The following PCDHA6 variants were observed in gnomAD, a reference collection of about 807,000 sequenced individuals.
The protein encoded by PCDHA6 is protocadherin alpha-6.
In PCDHA6, 55 loss-of-function variants were observed where a neutral mutation model predicts 60.3. The ratio of observed to expected loss-of-function variants is 0.91; its 90% CI spans 0.73 to 1.14. The LOEUF (loss-of-function observed/expected upper bound fraction) is 1.14. PCDHA6 is among the 50% of genes most tolerant of loss of function. PCDHA6 has a pLI of 0.00. For missense variants in PCDHA6, 1,327 were observed against 1,256.5 expected (o/e 1.06, Z -0.85); for synonymous variants, 652 against 557.9 (o/e 1.17, Z -2.38).
intron 1 of PCDHA6, chr5:140,842,175 T>A (rs2150330904): frequency 1.2e-6 from 2 of 1,613,894 alleles, no homozygotes; most frequent in South Asian, 2.2e-5. Flanking sequence ...AATAGCCTTG[T>A]TGAAACTATG....
chr5:140,896,929 G>A (rs2065808653), intron 1 of PCDHA6, among the ~76,000 whole-genome samples: 2 of 152,106 alleles, frequency 1.3e-5, no homozygotes, highest in African/African-American at 4.8e-5. Flanking sequence ...ATCACATCAT[G>A]GAAAATGGAA....
intron 1 of PCDHA6, among the ~76,000 whole-genome samples, chr5:140,976,765 C>T (rs1483381591): frequency 6.6e-6 from 1 of 152,172 alleles, no homozygotes; most frequent in Non-Finnish European, 1.5e-5. Context: ...CAGAAGCCTG[C>T]TAGACTCTGA....
intron 1 of PCDHA6, chr5:140,864,624 A>C (rs2048544669): frequency 6.6e-6 from 1 of 152,110 alleles, no homozygotes; most frequent in African/African-American, 2.4e-5. Flanking sequence ...TTTTTTAAAA[A>C]GAAAACAAAA....
intron 1 of PCDHA6, chr5:140,843,157 G>T: frequency 6.3e-7 from 1 of 1,596,132 alleles, no homozygotes; most frequent in Non-Finnish European, 8.6e-7. Context: ...ATGAGCTGCA[G>T]CCAGCTGCAA....
chr5:140,940,940 G>A (rs187772223), intron 1 of PCDHA6, among the ~76,000 whole-genome samples: 2 of 152,254 alleles, frequency 1.3e-5, no homozygotes, highest in Non-Finnish European at 2.9e-5. Context: ...CTTAGACTAC[G>A]TATTCTCAGA....
At chr5:140,882,452 C>A (rs782448323) in intron 1 of PCDHA6, 1 of 1,614,042 alleles carries the variant, frequency 6.2e-7, no homozygotes, top group East Asian at 2.2e-5. Context: ...GCTGGTGCCG[C>A]GCCTGTTCCG....
intron 1 of PCDHA6, chr5:140,926,949 G>C: frequency 3.8e-6 from 6 of 1,592,316 alleles, no homozygotes; most frequent in Non-Finnish European, 5.1e-6. Context: ...GCGCTGCAGC[G>C]GGACAGCTCG....
chr5:140,972,947 C>T (rs1287629621), intron 1 of PCDHA6, among the ~76,000 whole-genome samples: 1 of 152,096 alleles, frequency 6.6e-6, no homozygotes, highest in African/African-American at 2.4e-5. Context: ...CAGATGTGAG[C>T]CACCATGCCC....
chr5:140,856,403 G>C, intron 1 of PCDHA6: 1 of 1,598,562 alleles, frequency 6.3e-7, no homozygotes, highest in South Asian at 1.1e-5. Flanking sequence ...TTTCCATGTG[G>C]ACGTGGAAGT....
chr5:140,852,717 C>T lies in PCDHA6; in HGVS notation c.2394+22232C>T, dbSNP rs2042449102. ...ACTTTCAAGTATCTTTGTCTTTGCA[C>T]GTTTTTCAAGTTTCATGTGCCATTT... is the stretch of plus-strand genomic sequence containing the variant. On this transcript the variant is annotated intron_variant, in intron 1 of 3. Transcript: ENST00000529310. 6 of 981,714 alleles carry T rather than the reference C, an allele frequency of 6.1e-6. 2 individuals carry two copies. Among genetic ancestry groups the T allele is most frequent in the Non-Finnish European group, 7.4e-6 (6 of 814,360 alleles). 60.8% of individuals were successfully genotyped at this position (981,714 alleles called of 1,614,324 possible).
intron 1 of PCDHA6, chr5:140,848,346 C>A: frequency 1.1e-6 from 1 of 925,186 alleles, no homozygotes; most frequent in East Asian, 2.4e-5. Context: ...ACAAATACAG[C>A]CCTTTTCCCA....
chr5:140,887,565 T>C (rs1214384060), intron 1 of PCDHA6, among the ~76,000 whole-genome samples: 2 of 152,180 alleles, frequency 1.3e-5, no homozygotes, highest in Admixed American at 1.3e-4. Context: ...TTAAAACTTT[T>C]CTTTTTATCC....
intron 1 of PCDHA6, chr5:140,858,226 C>G (rs782380359): frequency 1.3e-6 from 2 of 1,595,414 alleles, no homozygotes; most frequent in Admixed American, 1.7e-5. Context: ...CGGCGCCCAC[C>G]GAGGGCGCAT....
Position 140,830,132 on chromosome 5 carries a change from C to T in PCDHA6, c.2041C>T (p.Arg681Trp), listed in dbSNP as rs116757950. The T allele has an allele frequency of 1.9e-3, 3,075 of 1,613,350 alleles. 56 individuals carry two copies. In the African/African-American group the frequency reaches 0.036, roughly 19 times the overall value. Residue 681 changes from arginine (R) to tryptophan (W), a missense_variant, in exon 1 of 4, where the codon CGG becomes TGG. Coordinates refer to ENST00000529310, the MANE Select transcript of PCDHA6 (RefSeq NM_018909.4). ...TGGCCAGGCTCCAAAGGCGTCATCACGGGCGTCGGTGGGCGCCGCGGGCCC... is the reference window on the plus strand; with the variant it reads ...TGGCCAGGCTCCAAAGGCGTCATCATGGGCGTCGGTGGGCGCCGCGGGCCC... Reference protein sequence around the residue: ...ESGQAPKASSRASVGAAGPEA... With the variant: ...ESGQAPKASSWASVGAAGPEA...
intron 1 of PCDHA6, among the ~76,000 whole-genome samples, chr5:140,884,876 C>A (rs1554181909): frequency 6.6e-6 from 1 of 152,096 alleles, no homozygotes; most frequent in African/African-American, 2.4e-5. Context: ...ATGAAATGTG[C>A]AAAACAAGAA....
intron 1 of PCDHA6, among the ~76,000 whole-genome samples, chr5:140,904,628 A>G (rs2071277621): frequency 6.6e-6 from 1 of 152,002 alleles, no homozygotes; most frequent in African/African-American, 2.4e-5. Context: ...TTAGTTCTTT[A>G]AGGAATCTCC....
intron 2 of PCDHA6, 146 bp downstream of exon 2, chr5:140,979,153 G>A (rs2096837239): frequency 2.8e-6 from 4 of 1,434,028 alleles, no homozygotes; most frequent in Non-Finnish European, 2.7e-6. Context: ...TTGTCCCCAT[G>A]TTTATTCCTT....
intron 1 of PCDHA6, chr5:140,870,781 A>T: frequency 2.5e-6 from 4 of 1,613,654 alleles, no homozygotes; most frequent in Non-Finnish European, 3.4e-6. Flanking sequence ...CGAGAACGAC[A>T]ACGCGCCGGC....
chr5:140,898,711 T>A (rs1280268769), intron 1 of PCDHA6, among the ~76,000 whole-genome samples: 2 of 152,226 alleles, frequency 1.3e-5, no homozygotes, highest in Non-Finnish European at 2.9e-5. Flanking sequence ...AAGTAGTTTT[T>A]TCCAATTCTG....
Sources: allele counts gnomAD v4.1 joint callset (sites outside exome capture counted in the v4.1 genomes callset), GRCh38; gene constraint gnomAD v4.1.1; transcripts MANE v1.5; gene names NCBI Gene and HGNC (gene_info 2026-07-23, HGNC 2026-07-21).